CDH20: variants seen among roughly 807,000 people sequenced by gnomAD.
CDH20 encodes cadherin 20.
CDH20 carries 29 observed loss-of-function variants against 74.2 expected under a neutral mutation model. The ratio of observed to expected loss-of-function variants is 0.39; its 90% CI spans 0.29 to 0.53. The LOEUF (loss-of-function observed/expected upper bound fraction) is 0.53, where lower values mean the gene tolerates loss of function less well. CDH20 is among the 20% of genes least tolerant of loss of function. CDH20 has a pLI of 0.69. For synonymous variants in CDH20, 469 were observed against 405.4 expected (o/e 1.16, Z -1.88); for missense variants, 988 against 1,048.3 (o/e 0.94, Z 0.79).
chr18:61,371,345 G>GA (rs2144156698), intron 1 of CDH20, among the ~76,000 whole-genome samples: 1 of 152,068 alleles, frequency 6.6e-6, no homozygotes, highest in Admixed American at 6.6e-5. Flanking sequence ...ATGATGAAAT[G>GA]GTATCTGTCT....
At chr18:61,517,688 A>G (rs1405975155) in intron 6 of CDH20, among the ~76,000 whole-genome samples, 3 of 49,092 alleles carry the variant, frequency 6.1e-5, no homozygotes, top group African/African-American at 2.8e-4. Context: ...AACTAGCTGC[A>G]GTTTTTTTTG....
At chr18:61,416,069 A>G (rs932808046) in intron 1 of CDH20, among the ~76,000 whole-genome samples, 3 of 151,992 alleles carry the variant, frequency 2.0e-5, no homozygotes, top group African/African-American at 7.2e-5. Context: ...TAAGATCACT[A>G]TAAGAACTCA....
chr18:61,354,931 T>A (rs1202486011), intron 1 of CDH20, among the ~76,000 whole-genome samples: 1 of 152,192 alleles, frequency 6.6e-6, no homozygotes, highest in Non-Finnish European at 1.5e-5. Context: ...GTCATTCAAA[T>A]GGGTACACTT....
chr18:61,399,998 G>A (rs371568808), intron 1 of CDH20, among the ~76,000 whole-genome samples: 233 of 152,236 alleles, frequency 1.5e-3, no homozygotes, highest in African/African-American at 5.2e-3. Context: ...GCACAGAATA[G>A]GATAATGTTC....
At chr18:61,388,774 A>C (rs1186789965) in intron 1 of CDH20, among the ~76,000 whole-genome samples, 1 of 152,166 alleles carries the variant, frequency 6.6e-6, no homozygotes, top group Non-Finnish European at 1.5e-5. Flanking sequence ...AACCAACAGA[A>C]AGCCAGTGAG....
At position 61,353,847 on chromosome 18, in the gene CDH20, CG is replaced by C. The variant is rs1910396530; in HGVS notation, c.-153+20024del. 6.6e-6 allele frequency among the ~76,000 whole-genome samples: 1 copy of C among 151,930 alleles called. No individual in the cohort carries two copies. Among genetic ancestry groups the C allele is most frequent in the Non-Finnish European group, 1.5e-5 (1 of 67,986 alleles). ...CTGTAATCCCAGCATTTTAGGAGGC[CG>C]GGGCGGTTGGATTGCCTGAACTCTG... On this transcript the variant is annotated intron_variant, in intron 1 of 11. Coordinates refer to ENST00000262717, the MANE Select transcript of CDH20 (RefSeq NM_031891.4). This position sits in a 1 kb window ranked among gnomAD's most constrained non-coding sequence, Gnocchi z 4.6.
intron 6 of CDH20, among the ~76,000 whole-genome samples, chr18:61,511,092 T>G (rs1302502014): frequency 8.8e-6 from 1 of 113,508 alleles, no homozygotes; most frequent in Admixed American, 1.2e-4. Flanking sequence ...GCTCAAGCAA[T>G]CCTTCCACCT....
At chr18:61,356,765 G>GA (rs1004410559) in intron 1 of CDH20, among the ~76,000 whole-genome samples, 5 of 152,100 alleles carry the variant, frequency 3.3e-5, no homozygotes, top group Admixed American at 2.6e-4. Flanking sequence ...AAAAAGAGGG[G>GA]AAAAAATAAG....
In CDH20 at chr18:61,554,413, C is replaced by T; in HGVS notation, c.2124C>T (p.Leu708=). ...RQDMLPEIES[L]SRYVPQTCAV... Reference sequence around the variant, plus strand: ...ACATGCTGCCCGAGATCGAGAGCCTCTCCCGCTACGTGCCTCAGACGTGCG... The same window carrying T: ...ACATGCTGCCCGAGATCGAGAGCCTTTCCCGCTACGTGCCTCAGACGTGCG... The change falls in exon 12 of 12, where the codon CTC becomes CTT. Residue 708 remains leucine, a synonymous_variant. Transcript: ENST00000262717. 4 of 1,613,072 alleles carry T rather than the reference C, an allele frequency of 2.5e-6. No homozygotes were observed. Among genetic ancestry groups the T allele is most frequent in the Non-Finnish European group, 3.4e-6 (4 of 1,179,764 alleles).
chr18:61,498,850 A>C (rs1477813128), intron 2 of CDH20, among the ~76,000 whole-genome samples: 1 of 152,166 alleles, frequency 6.6e-6, no homozygotes, highest in Non-Finnish European at 1.5e-5. Context: ...AAAGGCAGGA[A>C]TCCTCCTTAT....
intron 1 of CDH20, among the ~76,000 whole-genome samples, chr18:61,459,686 G>A (rs1157714128): frequency 6.6e-6 from 1 of 152,094 alleles, no homozygotes; most frequent in African/African-American, 2.4e-5. Context: ...AGAAAAATCT[G>A]CAGGCTGACA....
intron 1 of CDH20, among the ~76,000 whole-genome samples, chr18:61,432,388 T>A (rs1356801561): frequency 6.6e-6 from 1 of 151,938 alleles, no homozygotes; most frequent in African/African-American, 2.4e-5. Context: ...TCCGTCCCCA[T>A]CCACAACTGG....
At chr18:61,435,653 G>C (rs540124463) in intron 1 of CDH20, among the ~76,000 whole-genome samples, 1 of 151,374 alleles carries the variant, frequency 6.6e-6, no homozygotes, top group Non-Finnish European at 1.5e-5. Flanking sequence ...CATAGGACAA[G>C]TAAATTCAAA....
chr18:61,383,472 T>G (rs906363514), intron 1 of CDH20, among the ~76,000 whole-genome samples: 6 of 152,042 alleles, frequency 3.9e-5, no homozygotes, highest in Non-Finnish European at 8.8e-5. Context: ...TCCCAGCTAC[T>G]TGGTAGACCA....
intron 2 of CDH20, among the ~76,000 whole-genome samples, chr18:61,494,378 C>T (rs1261287867): frequency 2.0e-5 from 3 of 152,124 alleles, no homozygotes; most frequent in African/African-American, 7.2e-5. Context: ...AATTAGTGCT[C>T]GCCCTTTCCA....
At chr18:61,372,232 C>A (rs979566162) in intron 1 of CDH20, among the ~76,000 whole-genome samples, 1 of 151,980 alleles carries the variant, frequency 6.6e-6, no homozygotes, top group African/African-American at 2.4e-5. Flanking sequence ...TTCAGGATTT[C>A]TTCTCCCCAC....
rs1911110685 is a variant in CDH20, at chr18:61,495,641, C to T, written c.247-3545C>T. 3.3e-5 allele frequency among the ~76,000 whole-genome samples: 5 copies of T among 152,176 alleles called. No individual in the cohort carries two copies. The South Asian group carries it at 1.0e-3, about 32-fold the overall frequency. ...CCAGCCCAAGGAGCAGCACTGCTTC[C>T]TCAGGGGTCTCAGGCCCAGCCTCAA... On this transcript the variant is annotated intron_variant, in intron 2 of 11. Transcript: ENST00000262717.
chr18:61,375,671 T>A (rs1256555928), intron 1 of CDH20, among the ~76,000 whole-genome samples: 1 of 152,076 alleles, frequency 6.6e-6, no homozygotes, highest in Admixed American at 6.6e-5. Context: ...AAAGACCAAC[T>A]CAAGTGTCAC....
chr18:61,495,779 C>T (rs1029461620), intron 2 of CDH20, among the ~76,000 whole-genome samples: 4 of 152,154 alleles, frequency 2.6e-5, no homozygotes, highest in Non-Finnish European at 4.4e-5. Context: ...TCTGATGCCT[C>T]GGGGCTTCCT....
Sources: gnomAD v4.1 joint callset for allele counts (sites outside exome capture counted in the v4.1 genomes callset) on GRCh38, gnomAD v4.1.1 for gene constraint, Gnocchi (gnomAD v3.1) non-coding constraint, MANE v1.5 for transcripts, NCBI Gene and HGNC (gene_info 2026-07-23, HGNC 2026-07-21) for gene names.